KRIT1: variants seen among roughly 807,000 people sequenced by gnomAD.
KRIT1 encodes KRIT1 ankyrin repeat containing, also known as krev interaction trapped protein 1.
A neutral mutation model predicts 95.8 loss-of-function variants in KRIT1; 45 were observed. The observed-to-expected ratio is 0.47, with a 90% confidence interval of 0.37 to 0.60. KRIT1 has a LOEUF of 0.60. Among genes scored for constraint, KRIT1 ranks in the 20% least tolerant of loss-of-function variants. KRIT1 has a pLI of 0.00. For synonymous variants in KRIT1, 282 were observed against 278.8 expected, an observed-to-expected ratio of 1.01 and a Z score of -0.11; for missense variants, 788 against 877.5, an observed-to-expected ratio of 0.90 and a Z score of 1.29.
chr7:92,210,431 G>GA (rs1441788124), intron 17 of KRIT1, among the ~76,000 whole-genome samples: 1 of 151,998 alleles, frequency 6.6e-6, no homozygotes, highest in Non-Finnish European at 1.5e-5. Context: ...AAACATTGGG[G>GA]AAAAAAACAC....
At chr7:92,213,777 A>G in intron 16 of KRIT1, 115 bp downstream of exon 16, 1 of 713,432 alleles carries the variant, frequency 1.4e-6, no homozygotes, top group Non-Finnish European at 2.5e-6. Context: ...ACTAGAAGAT[A>G]CATTTTTAAT....
chr7:92,220,812 G>T (rs1794983357), intron 14 of KRIT1, among the ~76,000 whole-genome samples: 1 of 150,204 alleles, frequency 6.7e-6, no homozygotes. Flanking sequence ...CTCTGCCTTG[G>T]CCTCCCAAGT....
At chr7:92,217,043 C>T (rs1794142579) in intron 14 of KRIT1, among the ~76,000 whole-genome samples, 1 of 152,176 alleles carries the variant, frequency 6.6e-6, no homozygotes, top group Admixed American at 6.5e-5. Context: ...ACCAGATTAT[C>T]ATGACATTCT....
chr7:92,235,865 T>C (rs948546533), intron 7 of KRIT1: 8 of 441,838 alleles, frequency 1.8e-5, no homozygotes, highest in Admixed American at 1.0e-4. Flanking sequence ...GTACATACTT[T>C]AGGGGCACAT....
In KRIT1 at chr7:92,225,762, C is replaced by A; in HGVS notation, c.1212G>T (p.Trp404Cys). 1 of 1,610,324 alleles carries A rather than the reference C, an allele frequency of 6.2e-7. No individual in the cohort carries two copies. The highest frequency in any genetic ancestry group is 8.5e-7 in the Non-Finnish European group (1 of 1,176,926). Residue 404 changes from tryptophan to cysteine, a missense_variant, in exon 12 of 19, where the codon TGG (tryptophan) becomes TGT (cysteine). Physicochemically the swap from Trp to Cys is radical, Grantham distance 215. Coordinates refer to ENST00000394505, the MANE Select transcript of KRIT1 (RefSeq NM_194454.3). ...NICEENKQNN[W>C]EEAAKLLKEA... Reference sequence around the variant, plus strand: ...CCTTCAACAATTTTGCAGCTTCTTCCCAGTTGTTTTGTTTGTTTTCTTCAC... The same window carrying A: ...CCTTCAACAATTTTGCAGCTTCTTCACAGTTGTTTTGTTTGTTTTCTTCAC...
At chr7:92,232,320 G>T (rs1219850546) in intron 10 of KRIT1, among the ~76,000 whole-genome samples, 1 of 152,010 alleles carries the variant, frequency 6.6e-6, no homozygotes, top group Non-Finnish European at 1.5e-5. Context: ...ATTAGGGAAG[G>T]TACCATTTTT....
At position 92,201,406 on chromosome 7, in the gene KRIT1, A is replaced by C. The variant is rs914262614; in HGVS notation, c.2043T>G (p.Leu681=). ...NMETKALLIS[L]KYGCFMWQLG... ...ATTGCCACATAAAACAACCATACTT[A>C]AGACTGATGAGTAAAGCCTGCAACA... The change falls in exon 18 of 19, where the codon CTT becomes CTG. Residue 681 remains leucine, a synonymous_variant. Coordinates refer to ENST00000394505, the MANE Select transcript of KRIT1 (RefSeq NM_194454.3). 1 of 1,543,884 alleles carries C rather than the reference A, an allele frequency of 6.5e-7. No individual in the cohort carries two copies. The highest frequency in any genetic ancestry group is 1.4e-5 in the African/African-American group (1 of 73,454).
At chr7:92,230,471 G>A (rs1797051274) in intron 10 of KRIT1, among the ~76,000 whole-genome samples, 1 of 152,142 alleles carries the variant, frequency 6.6e-6, no homozygotes, top group Non-Finnish European at 1.5e-5. Context: ...ATTAAATGCT[G>A]CAGAGCAGGG....
chr7:92,204,208 C>T (rs1466962589), intron 17 of KRIT1: 2 of 151,146 alleles, frequency 1.3e-5, no homozygotes, highest in Non-Finnish European at 1.5e-5. Context: ...CTGCACTGAG[C>T]TATGATGGTG....
chr7:92,207,771 C>T (rs1371273956), intron 17 of KRIT1, among the ~76,000 whole-genome samples: 2 of 152,228 alleles, frequency 1.3e-5, no homozygotes, highest in African/African-American at 2.4e-5. Context: ...GCAGGATAAT[C>T]GCTTGAACCC....
intron 10 of KRIT1, among the ~76,000 whole-genome samples, chr7:92,230,682 G>A (rs575564740): frequency 3.3e-5 from 5 of 152,052 alleles, no homozygotes; most frequent in Non-Finnish European, 7.4e-5. Flanking sequence ...GAAGAAAGTA[G>A]GTGTGGAAAA....
At chr7:92,227,601 C>T (rs1325211621) in intron 10 of KRIT1, among the ~76,000 whole-genome samples, 1 of 152,058 alleles carries the variant, frequency 6.6e-6, no homozygotes, top group African/African-American at 2.4e-5. Flanking sequence ...GTGGTGCAAT[C>T]TCAGCTCACT....
At chr7:92,202,572 T>C (rs1328069164) in intron 17 of KRIT1, among the ~76,000 whole-genome samples, 1 of 152,196 alleles carries the variant, frequency 6.6e-6, no homozygotes, top group East Asian at 1.9e-4. Flanking sequence ...CCAATTCTTA[T>C]AATATTGACC....
At chr7:92,207,927 T>C (rs567765684) in intron 17 of KRIT1, among the ~76,000 whole-genome samples, 38 of 152,184 alleles carry the variant, frequency 2.5e-4, no homozygotes, top group African/African-American at 8.7e-4. Context: ...ATTTCATCCA[T>C]CAGCTGCAGA....
Position 92,200,823 on chromosome 7 carries a change from C to A in KRIT1, c.2143-19G>T, listed in dbSNP as rs1433784096. On this transcript the variant is annotated intron_variant, in intron 18 of 18. Coordinates refer to ENST00000394505, the MANE Select transcript of KRIT1 (RefSeq NM_194454.3). ...GACCAGCCTACAAAGTAAAACATGTCAATAATAAATATAAAACATGTAAGA... is the reference window on the plus strand; with the variant it reads ...GACCAGCCTACAAAGTAAAACATGTAAATAATAAATATAAAACATGTAAGA... The A allele has an allele frequency of 2.6e-6, 4 of 1,528,884 alleles. No homozygotes were observed. Among genetic ancestry groups the A allele is most frequent in the Non-Finnish European group, 3.6e-6 (4 of 1,103,550 alleles). The allele number at this position is 1,528,884 out of a possible 1,614,324, so 94.7% of individuals were successfully genotyped here.
At chr7:92,229,839 C>G (rs985556557) in intron 10 of KRIT1, among the ~76,000 whole-genome samples, 1 of 152,080 alleles carries the variant, frequency 6.6e-6, no homozygotes, top group African/African-American at 2.4e-5. Context: ...TCCAAAGTGC[C>G]CTACATACAA....
intron 8 of KRIT1, 84 bp downstream of exon 8, chr7:92,235,319 A>G (rs1319506544): frequency 2.3e-6 from 3 of 1,322,890 alleles, no homozygotes; most frequent in East Asian, 2.3e-5. Context: ...ATAATTAGTA[A>G]TAGATGTATA....
In KRIT1 at chr7:92,234,518, A is replaced by G; in HGVS notation, c.920T>C (p.Leu307Pro). ...GTTGACTGAAAATCTTTCACTGAGA[A>G]GACGGCTTAGTAATTCTGAATCTCC... ...CEGDSELLSR[L>P]LSERFSVNQL... Residue 307 changes from leucine to proline, a missense_variant, in exon 10 of 19, where the codon CTT becomes CCT. This residue lies in a region of KRIT1 where 493 missense variants were observed against 582.3 expected (regional missense o/e 0.85). Coordinates refer to ENST00000394505, the MANE Select transcript of KRIT1 (RefSeq NM_194454.3). 1 of 1,611,794 alleles carries G rather than the reference A, an allele frequency of 6.2e-7. No homozygotes were observed.
intron 6 of KRIT1, among the ~76,000 whole-genome samples, chr7:92,236,986 G>A (rs905497681): frequency 6.6e-6 from 1 of 152,144 alleles, no homozygotes; most frequent in African/African-American, 2.4e-5. Context: ...TATCTTACAT[G>A]ATGCTAGTAC....
Sources: allele counts gnomAD v4.1 joint callset (sites outside exome capture counted in the v4.1 genomes callset), GRCh38; gene constraint gnomAD v4.1.1; regional missense constraint gnomAD v4.1.1; transcripts MANE v1.5; gene names NCBI Gene and HGNC (gene_info 2026-07-23, HGNC 2026-07-21).